SLC24A2: variants seen among roughly 807,000 people sequenced by gnomAD.
The protein encoded by SLC24A2 is solute carrier family 24 member 2.
Under a neutral mutation model 62.0 loss-of-function variants are expected in SLC24A2, and 36 were observed. The ratio of observed to expected loss-of-function variants is 0.58; its 90% confidence interval spans 0.44 to 0.77. SLC24A2 has a LOEUF of 0.77. SLC24A2 is among the 30% of genes least tolerant of loss of function. The pLI is 0.00. For missense variants in SLC24A2, 846 were observed against 817.9 expected (o/e 1.03, Z -0.42); for synonymous variants, 358 against 294.0 (o/e 1.22, Z -2.23).
At chr9:20,237,366 A>T in the SLC24A2 span, among the ~76,000 whole-genome samples, 3 of 152,354 alleles carry the variant, frequency 2.0e-5, no homozygotes, top group African/African-American at 7.2e-5. Context: ...GAAAAAGTTA[A>T]GTCTATTACC....
At chr9:19,550,001 C>A in intron 8 of SLC24A2, 136 bp downstream of exon 8, 1 of 812,336 alleles carries the variant, frequency 1.2e-6, no homozygotes, top group Non-Finnish European at 2.1e-6. Flanking sequence ...ATAGTTGTAC[C>A]TATTTATGGG....
the SLC24A2 span, among the ~76,000 whole-genome samples, chr9:19,973,237 T>C: frequency 6.6e-6 from 1 of 152,216 alleles, no homozygotes. Context: ...GACACTGCAA[T>C]GTGCAATGCC....
chr9:19,671,179 G>T, intron 2 of SLC24A2, among the ~76,000 whole-genome samples: 1 of 151,734 alleles, frequency 6.6e-6, no homozygotes, highest in East Asian at 2.0e-4. Flanking sequence ...ACTCATCCAT[G>T]AGCATGGGAC....
chr9:19,968,372 G>C, the SLC24A2 span, among the ~76,000 whole-genome samples: 1 of 152,112 alleles, frequency 6.6e-6, no homozygotes, highest in Non-Finnish European at 1.5e-5. Flanking sequence ...TAAACTGTTT[G>C]CAAACATTTT....
At chr9:19,615,993 T>TGC (rs1274038435) in intron 4 of SLC24A2, among the ~76,000 whole-genome samples, 7 of 96,002 alleles carry the variant, frequency 7.3e-5, no homozygotes, top group South Asian at 7.9e-4. Context: ...TTCACAGGCG[T>TGC]GCACACACAC....
chr9:19,800,162 G>A, the SLC24A2 span, among the ~76,000 whole-genome samples: 1 of 152,118 alleles, frequency 6.6e-6, no homozygotes, highest in East Asian at 1.9e-4. Flanking sequence ...ATTTGGAGTA[G>A]ATCATGTTCT....
chr9:19,836,309 A>T, the SLC24A2 span, among the ~76,000 whole-genome samples: 1 of 152,308 alleles, frequency 6.6e-6, no homozygotes, highest in Non-Finnish European at 1.5e-5. Context: ...TGAATAGATC[A>T]ACAAAATTGA....
the SLC24A2 span, among the ~76,000 whole-genome samples, chr9:19,976,118 A>G: frequency 2.6e-5 from 4 of 152,198 alleles, no homozygotes; most frequent in African/African-American, 9.7e-5. Flanking sequence ...TTTTGGCCTC[A>G]AGCCATCTTC....
chr9:20,000,735 T>C, the SLC24A2 span, among the ~76,000 whole-genome samples: 15 of 152,150 alleles, frequency 9.9e-5, no homozygotes, highest in African/African-American at 3.1e-4. Context: ...TGGACCCCAG[T>C]TTTGCCTTAA....
chr9:20,083,908 G>A, the SLC24A2 span, among the ~76,000 whole-genome samples: 10 of 152,140 alleles, frequency 6.6e-5, no homozygotes, highest in African/African-American at 1.2e-4. Context: ...CCTCTAGTTC[G>A]ATGTCGCTGT....
chr9:20,216,623 G>A, the SLC24A2 span, among the ~76,000 whole-genome samples: 9 of 152,070 alleles, frequency 5.9e-5, no homozygotes, highest in African/African-American at 2.2e-4. Context: ...CACTCCTGGG[G>A]CAGTGATGAT....
the SLC24A2 span, among the ~76,000 whole-genome samples, chr9:19,794,339 A>C: frequency 6.6e-6 from 1 of 152,188 alleles, no homozygotes; most frequent in Non-Finnish European, 1.5e-5. Flanking sequence ...ATCCTAAGTG[A>C]ATTAATGCAG....
At chr9:20,226,546 G>A in the SLC24A2 span, among the ~76,000 whole-genome samples, 1 of 152,096 alleles carries the variant, frequency 6.6e-6, no homozygotes, top group East Asian at 1.9e-4. Context: ...GCAGGTGGGC[G>A]GCCAGAGATG....
intron 2 of SLC24A2, among the ~76,000 whole-genome samples, chr9:19,723,244 GTAGTGCTTTATC>G (rs1181966197): frequency 6.6e-6 from 1 of 152,014 alleles, no homozygotes; most frequent in Non-Finnish European, 1.5e-5. Context: ...ATTATTTTAG[GTAGTGCTTTATC>G]TAGCAGTCAT....
In SLC24A2 at chr9:19,514,396, G is replaced by A. The variant is rs372387970; in HGVS notation, c.*1757C>T. 1.3e-5 allele frequency: 2 copies of A among 152,246 alleles called. No homozygotes were observed. Among genetic ancestry groups the A allele is most frequent in the East Asian group, 3.9e-4 (2 of 5,184 alleles). 9.4% of individuals were successfully genotyped at this position (152,246 alleles called of 1,614,324 possible). On this transcript the variant is annotated 3_prime_UTR_variant, in exon 11 of 11. Transcript: ENST00000341998. ...ATATGTACCAACTTAGACGTAGGAT[G>A]GGTACAGAATAATGAACCATCCTTG...
chr9:19,886,256 A>G, the SLC24A2 span, among the ~76,000 whole-genome samples: 2 of 152,184 alleles, frequency 1.3e-5, no homozygotes, highest in East Asian at 3.9e-4. Flanking sequence ...CCTCTCCAGC[A>G]TCTATGATTT....
the SLC24A2 span, among the ~76,000 whole-genome samples, chr9:20,233,884 T>A: frequency 6.6e-6 from 1 of 152,242 alleles, no homozygotes; most frequent in African/African-American, 2.4e-5. Flanking sequence ...CTTTCCATGT[T>A]TAATGCTTCC....
the SLC24A2 span, among the ~76,000 whole-genome samples, chr9:20,051,657 C>CTCTTTTTTTTTTTT: frequency 1.1e-4 from 8 of 73,498 alleles, no homozygotes; most frequent in Non-Finnish European, 1.2e-4. Context: ...TTTTCTTTCT[C>CTCTTTTTTTTTTTT]TTTTTTTTTT....
intron 8 of SLC24A2, 75 bp from the exon 9 acceptor site, chr9:19,528,213 C>A: frequency 1.0e-6 from 1 of 994,484 alleles, no homozygotes; most frequent in Non-Finnish European, 1.6e-6. Context: ...AAAGCTAAAG[C>A]CACCATTGTA....
Sources: allele counts gnomAD v4.1 joint callset (sites outside exome capture counted in the v4.1 genomes callset), GRCh38; gene constraint gnomAD v4.1.1; transcripts MANE v1.5; gene names NCBI Gene and HGNC (gene_info 2026-07-23, HGNC 2026-07-21).